Variants in ELN observed in about 807,000 individuals in gnomAD.
The protein encoded by ELN is elastin.
Under a neutral mutation model 105.8 loss-of-function variants are expected in ELN, and 65 were observed. The observed-to-expected ratio is 0.61, with a 90% confidence interval of 0.50 to 0.75. The LOEUF (loss-of-function observed/expected upper bound fraction) is 0.75, where lower values mean the gene tolerates loss of function less well. Ranked by LOEUF, ELN falls within the 30% of genes least tolerant of loss-of-function variation. The pLI, the probability that ELN is intolerant of heterozygous loss-of-function variation, is 0.00. For synonymous variants in ELN, 368 were observed against 389.2 expected, an observed-to-expected ratio of 0.95 and a Z score of 0.64; for missense variants, 882 against 969.4, an observed-to-expected ratio of 0.91 and a Z score of 1.20.
intron 8 of ELN, 114 bp from the exon 9 acceptor site, chr7:74,043,765 C>T (rs1007206723): frequency 1.7e-5 from 23 of 1,372,158 alleles, no homozygotes; most frequent in East Asian, 2.5e-5. Flanking sequence ...CTGCCCCTGT[C>T]GGGCACAGAG....
At chr7:74,064,607 C>A (rs1037672962) in intron 29 of ELN, among the ~76,000 whole-genome samples, 1 of 151,892 alleles carries the variant, frequency 6.6e-6, no homozygotes, top group Admixed American at 6.6e-5. Context: ...CAGAGCAAGA[C>A]CTCATCCCAA....
intron 32 of ELN, among the ~76,000 whole-genome samples, 166 bp from the exon 33 acceptor site, chr7:74,068,491 C>G (rs1440079320): frequency 6.6e-6 from 1 of 152,214 alleles, no homozygotes; most frequent in Non-Finnish European, 1.5e-5. Context: ...CCCATCTGTC[C>G]AGTGGAAGTT....
intron 26 of ELN, among the ~76,000 whole-genome samples, chr7:74,062,543 G>GTTGTTTGT (rs541803683): frequency 1.1e-4 from 16 of 151,900 alleles, no homozygotes; most frequent in South Asian, 2.1e-4. Context: ...TACTATTACC[G>GTTGTTTGT]TTGTTTGTTT....
In ELN at chr7:74,057,721, T is replaced by G. The variant is rs1177614575; in HGVS notation, c.1414+25T>G. 5.6e-6 allele frequency: 9 copies of G among 1,612,202 alleles called. No individual in the cohort carries two copies. The Admixed American group carries it at 1.5e-4, about 27-fold the overall frequency. ...GGTAAGTCCCCCTCACCCCCGCCACTGGCTCACGGAGAACTGCTTTCTCCT... is the reference window on the plus strand; with the variant it reads ...GGTAAGTCCCCCTCACCCCCGCCACGGGCTCACGGAGAACTGCTTTCTCCT... On this transcript the variant is annotated intron_variant, in intron 22 of 32. Transcript: ENST00000252034.
Position 74,068,734 on chromosome 7 carries a change from A to G in ELN, c.*34A>G, listed in dbSNP as rs1554690679. 6.2e-7 allele frequency: 1 copy of G among 1,612,906 alleles called. No homozygotes were observed. ...GGACCCCTGACTCACGACCTCATCAACGTTGGTGCTACTGCTTGGTGGAGA... is the reference window on the plus strand; with the variant it reads ...GGACCCCTGACTCACGACCTCATCAGCGTTGGTGCTACTGCTTGGTGGAGA... On this transcript the variant is annotated 3_prime_UTR_variant, in exon 33 of 33. Coordinates refer to ENST00000252034, the MANE Select transcript of ELN (RefSeq NM_000501.4).
chr7:74,044,951 G>A (rs1276260193), intron 9 of ELN, among the ~76,000 whole-genome samples: 1 of 152,232 alleles, frequency 6.6e-6, no homozygotes, highest in Non-Finnish European at 1.5e-5. Context: ...GACGGCTTTT[G>A]TGATTAACTC....
intron 9 of ELN, among the ~76,000 whole-genome samples, chr7:74,044,312 G>A (rs533698649): frequency 2.6e-5 from 4 of 151,878 alleles, no homozygotes; most frequent in South Asian, 4.2e-4. Flanking sequence ...TCGCCTCCCC[G>A]AAAAGCAGAG....
At chr7:74,045,394 C>T (rs1362848343) in intron 10 of ELN, 101 bp downstream of exon 10, 7 of 1,334,110 alleles carry the variant, frequency 5.2e-6, no homozygotes, top group South Asian at 1.2e-5. Context: ...GCTCAGGGCC[C>T]TCTGGGTGAC....
intron 21 of ELN, chr7:74,057,401 G>C (rs782569642): frequency 6.6e-7 from 1 of 1,509,234 alleles, no homozygotes; most frequent in Non-Finnish European, 8.8e-7. Flanking sequence ...GAGCAGGAGT[G>C]CTGGGTGGGC....
chr7:74,059,619 G>T, intron 22 of ELN: 1 of 567,210 alleles, frequency 1.8e-6, no homozygotes, highest in South Asian at 2.1e-5. Context: ...GGGAGGTGGT[G>T]GTTGCAGTGA....
At position 74,063,205 on chromosome 7, in the gene ELN, C is replaced by G. The variant is rs975548062; in HGVS notation, c.1839C>G (p.Gly613=). 3 of 1,608,790 alleles carry G rather than the reference C, an allele frequency of 1.9e-6. No homozygotes were observed. Residue 613 remains glycine (G), a synonymous_variant, in exon 27 of 33, where the codon GGC becomes GGG. Transcript: ENST00000252034. This position sits in a 1 kb window ranked among gnomAD's most constrained non-coding sequence, Gnocchi z 4.1. The part of the protein sequence containing the change: ...LGGLGALGGV[G]IPGGVVGAGP... ...GGCTCGGGGCTCTCGGTGGAGTAGG[C>G]ATCCCAGGCGGTGTGGTGGGTGAGT... is the stretch of plus-strand genomic sequence containing the variant.
intron 17 of ELN, chr7:74,052,265 A>C: frequency 4.0e-6 from 2 of 504,496 alleles, no homozygotes; most frequent in Non-Finnish European, 7.3e-6. Context: ...CATCAACTAA[A>C]TGGGTGCCCA....
At position 74,041,932 on chromosome 7, in the gene ELN, G is replaced by A. The variant is rs190332738; in HGVS notation, c.232+681G>A. Reference sequence around the variant, plus strand: ...TTTTTGTATTCTTAGTAGAGACGGGGTTTCACCATGTTGGCCAGGCTGGTC... The same window carrying A: ...TTTTTGTATTCTTAGTAGAGACGGGATTTCACCATGTTGGCCAGGCTGGTC... On this transcript the variant is annotated intron_variant, in intron 5 of 32. Transcript: ENST00000252034. Among the ~76,000 whole-genome samples, 4 of 152,110 alleles carry A rather than the reference G, an allele frequency of 2.6e-5. No individual in the cohort carries two copies. The South Asian group carries it at 8.3e-4, about 32-fold the overall frequency.
chr7:74,060,045 C>T lies in ELN; in HGVS notation c.1574C>T (p.Ala525Val). The T allele has an allele frequency of 6.2e-7, 1 of 1,614,040 alleles. No individual in the cohort carries two copies. The highest frequency in any genetic ancestry group is 8.5e-7 in the Non-Finnish European group (1 of 1,180,006). Residue 525 changes from alanine (A) to valine (V), a missense_variant and splice_region_variant, in exon 23 of 33, where the codon GCA becomes GTA. Physicochemically the swap from Ala to Val is moderately conservative, Grantham distance 64. Transcript: ENST00000252034. The part of the protein sequence containing the change: ...VAPGIGPGGV[A>V]AAAKSAAKVA... ...CCCGGCATTGGCCCTGGTGGAGTTGCAGGTGAGTTTCATGAGTCAATGAGC... is the reference window on the plus strand; with the variant it reads ...CCCGGCATTGGCCCTGGTGGAGTTGTAGGTGAGTTTCATGAGTCAATGAGC...
Position 74,053,320 on chromosome 7 carries a change from CTGTGTGTGTGTGTGTGTGTGTG to C in ELN, c.1096+29_1096+50del, listed in dbSNP as rs10579871. On this transcript the variant is annotated intron_variant, in intron 18 of 32. Coordinates refer to ENST00000252034, the MANE Select transcript of ELN (RefSeq NM_000501.4). ...GTGCTGCGGTTCCAGGTGAGCTGGG[CTGTGTGTGTGTGTGTGTGTGTG>C]TGTGTGTGTGTGTGTGTATTAGAGA... is the stretch of plus-strand genomic sequence containing the variant. The C allele has an allele frequency of 4.5e-6, 7 of 1,561,624 alleles. No individual in the cohort carries two copies. The highest frequency in any genetic ancestry group is 2.3e-5 in the East Asian group (1 of 42,586).
At chr7:74,052,165 G>T in intron 17 of ELN, 182 bp downstream of exon 17, 1 of 709,600 alleles carries the variant, frequency 1.4e-6, no homozygotes, top group Non-Finnish European at 2.3e-6. Context: ...GTTTTGCCCT[G>T]ATTAACTCAG....
At chr7:74,037,977 C>T (rs949533922) in intron 4 of ELN, 89 of 562,030 alleles carry the variant, frequency 1.6e-4, no homozygotes, top group East Asian at 2.5e-4. Flanking sequence ...TGTGTGAGGG[C>T]GTCTAGCATC....
In ELN at chr7:74,069,447, C is replaced by T. The variant is rs937683279; in HGVS notation, c.*747C>T. On this transcript the variant is annotated 3_prime_UTR_variant, in exon 33 of 33. Coordinates refer to ENST00000252034, the MANE Select transcript of ELN (RefSeq NM_000501.4). Reference sequence around the variant, plus strand: ...ATCAACCTGGTTGACCTGTCATGGCCGCCTGTGCCCTGCCTCCACCCCCAT... The same window carrying T: ...ATCAACCTGGTTGACCTGTCATGGCTGCCTGTGCCCTGCCTCCACCCCCAT... 2 of 235,146 alleles carry T rather than the reference C, an allele frequency of 8.5e-6. No individual in the cohort carries two copies. The highest frequency in any genetic ancestry group is 5.5e-5 in the Admixed American group (1 of 18,028). The allele number at this position is 235,146 out of a possible 1,614,324, so 14.6% of individuals were successfully genotyped here.
intron 1 of ELN, among the ~76,000 whole-genome samples, chr7:74,033,771 T>A (rs1554663882): frequency 6.6e-6 from 1 of 152,182 alleles, no homozygotes; most frequent in Non-Finnish European, 1.5e-5. Flanking sequence ...CTGGACACAT[T>A]GCAGAGACAC....
Sources: gnomAD v4.1 joint callset for allele counts (sites outside exome capture counted in the v4.1 genomes callset) on GRCh38, gnomAD v4.1.1 for gene constraint, Gnocchi (gnomAD v3.1) non-coding constraint, MANE v1.5 for transcripts, NCBI Gene and HGNC (gene_info 2026-07-23, HGNC 2026-07-21) for gene names.